MYO3B: variants seen among roughly 807,000 people sequenced by gnomAD.
MYO3B encodes myosin-IIIb.
MYO3B carries 156 observed loss-of-function variants against 174.6 expected under a neutral mutation model. The ratio of observed to expected loss-of-function variants is 0.89; its 90% CI spans 0.78 to 1.02. The LOEUF is 1.02. Among genes scored for constraint, MYO3B ranks in the 50% least tolerant of loss-of-function variants. The probability of loss-of-function intolerance (pLI) is 0.00; values close to 1 mark genes in which losing one functional copy is unlikely to be tolerated. For synonymous variants in MYO3B, 563 were observed against 569.1 expected (o/e 0.99, Z 0.15); for missense variants, 1,632 against 1,639.4 (o/e 1.00, Z 0.08).
intron 30 of MYO3B, among the ~76,000 whole-genome samples, chr2:170,540,416 C>CT (rs1170271694): frequency 1.3e-5 from 2 of 151,902 alleles, no homozygotes; most frequent in East Asian, 1.9e-4. Flanking sequence ...TAAGCATTGG[C>CT]TTTTTTTTCT....
intron 22 of MYO3B, among the ~76,000 whole-genome samples, chr2:170,423,251 G>A (rs932089629): frequency 6.6e-6 from 1 of 152,070 alleles, no homozygotes; most frequent in Non-Finnish European, 1.5e-5. Flanking sequence ...CTAAAGTGCT[G>A]GGATTACAGG....
At chr2:170,236,203 A>G in intron 7 of MYO3B, 67 bp downstream of exon 7, 4 of 1,593,050 alleles carry the variant, frequency 2.5e-6, no homozygotes, top group Non-Finnish European at 3.4e-6. Context: ...GAGGGATAAT[A>G]AATAGTTTGC....
chr2:170,310,261 C>T (rs78667236), intron 7 of MYO3B, among the ~76,000 whole-genome samples: 18 of 152,170 alleles, frequency 1.2e-4, no homozygotes, highest in African/African-American at 2.7e-4. Context: ...GATGATTGCC[C>T]GTGACAGTGC....
chr2:170,562,513 A>C (rs1422868097), intron 32 of MYO3B, among the ~76,000 whole-genome samples: 2 of 152,216 alleles, frequency 1.3e-5, no homozygotes, highest in Non-Finnish European at 2.9e-5. Flanking sequence ...ACCAAAGCTT[A>C]ACTGAAAATC....
chr2:170,611,183 G>A (rs538995871), intron 32 of MYO3B, among the ~76,000 whole-genome samples: 4 of 152,290 alleles, frequency 2.6e-5, no homozygotes, highest in African/African-American at 9.6e-5. Context: ...GGCAACTGGA[G>A]GGGCACCACC....
intron 32 of MYO3B, among the ~76,000 whole-genome samples, chr2:170,579,591 G>A (rs756539375): frequency 5.1e-4 from 77 of 152,192 alleles, no homozygotes; most frequent in Non-Finnish European, 6.3e-4. Flanking sequence ...CTGAAGCAAA[G>A]GAATACTGGG....
chr2:170,567,458 A>G (rs1429530355), intron 32 of MYO3B, among the ~76,000 whole-genome samples: 2 of 152,206 alleles, frequency 1.3e-5, no homozygotes, highest in Non-Finnish European at 2.9e-5. Flanking sequence ...CCCTCTTTGG[A>G]CCTAAAAGTA....
At chr2:170,459,691 C>G (rs558672755) in intron 23 of MYO3B, among the ~76,000 whole-genome samples, 5 of 151,996 alleles carry the variant, frequency 3.3e-5, no homozygotes, top group Non-Finnish European at 5.9e-5. Flanking sequence ...TGGTGCCCGT[C>G]GAGGAGGCTC....
At chr2:170,252,772 T>A (rs1273472472) in intron 7 of MYO3B, among the ~76,000 whole-genome samples, 1 of 152,144 alleles carries the variant, frequency 6.6e-6, no homozygotes, top group East Asian at 1.9e-4. Flanking sequence ...GCTTCTCTGA[T>A]AAGATGAAGA....
chr2:170,650,943 C>CTGGGATTACAGACG (rs1698965831), intron 32 of MYO3B, among the ~76,000 whole-genome samples: 1 of 122,910 alleles, frequency 8.1e-6, no homozygotes. Context: ...CAGCCTCCCA[C>CTGGGATTACAGACG]TGCGCCCAGC....
At chr2:170,568,581 A>G (rs1311752173) in intron 32 of MYO3B, among the ~76,000 whole-genome samples, 1 of 152,208 alleles carries the variant, frequency 6.6e-6, no homozygotes, top group Non-Finnish European at 1.5e-5. Flanking sequence ...TTGAAACTCA[A>G]GCTACCAGGT....
chr2:170,448,620 A>G (rs561857816), intron 23 of MYO3B, among the ~76,000 whole-genome samples: 1 of 152,350 alleles, frequency 6.6e-6, no homozygotes, highest in South Asian at 2.1e-4. Context: ...AGAACAACAT[A>G]CTATATGGTA....
intron 1 of MYO3B, among the ~76,000 whole-genome samples, chr2:170,192,906 A>G (rs1323047983): frequency 6.6e-6 from 1 of 151,568 alleles, no homozygotes; most frequent in African/African-American, 2.4e-5. Flanking sequence ...TTCAAATTTC[A>G]TTTTCTTGGA....
chr2:170,484,556 C>A (rs886213405), intron 25 of MYO3B, among the ~76,000 whole-genome samples: 1 of 152,110 alleles, frequency 6.6e-6, no homozygotes, highest in African/African-American at 2.4e-5. Flanking sequence ...GCAGCAGTAG[C>A]AGTATCAGAA....
chr2:170,510,969 A>G (rs1687942342), intron 28 of MYO3B, among the ~76,000 whole-genome samples: 1 of 151,350 alleles, frequency 6.6e-6, no homozygotes, highest in Non-Finnish European at 1.5e-5. Flanking sequence ...CCACAATTTT[A>G]TTCATTTACC....
intron 32 of MYO3B, among the ~76,000 whole-genome samples, chr2:170,603,569 T>C (rs900142430): frequency 3.3e-5 from 5 of 152,154 alleles, no homozygotes; most frequent in African/African-American, 1.2e-4. Context: ...GCCACCTTTT[T>C]TTTACTACAA....
chr2:170,200,294 T>G lies in MYO3B; in HGVS notation c.321+10T>G, dbSNP rs2092647114. ...GTGGCTGGTCCTGGAGGTAAGAGGCTCCCATTGGGTAACCAGTGATTTGAA... is the reference window on the plus strand; with the variant it reads ...GTGGCTGGTCCTGGAGGTAAGAGGCGCCCATTGGGTAACCAGTGATTTGAA... On this transcript the variant is annotated intron_variant, in intron 3 of 34. Transcript: ENST00000408978. 1.9e-6 allele frequency: 3 copies of G among 1,606,686 alleles called. No homozygotes were observed. Among genetic ancestry groups the G allele is most frequent in the Admixed American group, 1.7e-5 (1 of 58,630 alleles).
intron 7 of MYO3B, among the ~76,000 whole-genome samples, chr2:170,267,558 C>A (rs1419058763): frequency 1.3e-5 from 2 of 152,088 alleles, no homozygotes; most frequent in Admixed American, 6.6e-5. Flanking sequence ...AGATAAATAT[C>A]ATTATTCACC....
At chr2:170,621,390 T>C (rs939150488) in intron 32 of MYO3B, among the ~76,000 whole-genome samples, 1 of 152,182 alleles carries the variant, frequency 6.6e-6, no homozygotes, top group Non-Finnish European at 1.5e-5. Flanking sequence ...AACACCTTTC[T>C]TCAGGCAAGT....
Sources: gnomAD v4.1 joint callset for allele counts (sites outside exome capture counted in the v4.1 genomes callset) on GRCh38, gnomAD v4.1.1 for gene constraint, MANE v1.5 for transcripts, NCBI Gene and HGNC (gene_info 2026-07-23, HGNC 2026-07-21) for gene names.